The following TP63 variants were observed in gnomAD, a reference collection of about 807,000 sequenced individuals.
The protein encoded by TP63 is tumor protein p63.
A neutral mutation model predicts 82.8 loss-of-function variants in TP63; 17 were observed. The observed-to-expected ratio is 0.21, with a 90% CI of 0.14 to 0.31. The LOEUF (loss-of-function observed/expected upper bound fraction) is 0.31. TP63 is among the 10% of genes least tolerant of loss of function. The pLI is 1.00. For missense variants in TP63, 648 were observed against 895.3 expected (o/e 0.72, Z 3.52); for synonymous variants, 330 against 321.7 (o/e 1.03, Z -0.28).
chr3:189,752,390 A>G (rs1429411792), intron 3 of TP63, among the ~76,000 whole-genome samples: 1 of 152,080 alleles, frequency 6.6e-6, no homozygotes, highest in Non-Finnish European at 1.5e-5. Flanking sequence ...TTCACTGTTC[A>G]GACTGGTCTC....
At chr3:189,829,868 C>G (rs1285475666) in intron 4 of TP63, 1 of 376,190 alleles carries the variant, frequency 2.7e-6, no homozygotes, top group Non-Finnish European at 5.4e-6. Flanking sequence ...CCAATATAAC[C>G]TTAATTTTTT....
chr3:189,750,649 C>G (rs894513073), intron 3 of TP63, among the ~76,000 whole-genome samples: 1 of 151,884 alleles, frequency 6.6e-6, no homozygotes, highest in Non-Finnish European at 1.5e-5. Flanking sequence ...GGTAATAAAA[C>G]GTTGGACTCT....
At chr3:189,813,707 C>A (rs73197854) in intron 4 of TP63, among the ~76,000 whole-genome samples, 12,843 of 151,892 alleles carry the variant, frequency 0.085, 726 homozygotes, top group Non-Finnish European at 0.12. Flanking sequence ...CTGTCATTGA[C>A]CTCAAGGTCT....
intron 7 of TP63, among the ~76,000 whole-genome samples, chr3:189,868,227 A>G (rs910060056): frequency 2.0e-5 from 3 of 152,202 alleles, no homozygotes; most frequent in Non-Finnish European, 4.4e-5. Flanking sequence ...CATGGTCCTC[A>G]AGGCATTTCA....
intron 3 of TP63, among the ~76,000 whole-genome samples, chr3:189,783,539 T>C (rs1388417391): frequency 3.3e-5 from 5 of 151,606 alleles, no homozygotes; most frequent in African/African-American, 1.2e-4. Flanking sequence ...ATAATTAGAG[T>C]TTTTATTTTA....
At chr3:189,649,778 C>G (rs1192747459) in intron 1 of TP63, among the ~76,000 whole-genome samples, 1 of 146,742 alleles carries the variant, frequency 6.8e-6, no homozygotes, top group Non-Finnish European at 1.5e-5. Context: ...AGAGAAAGAG[C>G]ATTCCAGACA....
intron 1 of TP63, among the ~76,000 whole-genome samples, chr3:189,681,370 T>C (rs1212112384): frequency 6.6e-6 from 1 of 152,216 alleles, no homozygotes; most frequent in Non-Finnish European, 1.5e-5. Context: ...ATTTTAAAAT[T>C]TGTAATTAGG....
intron 3 of TP63, among the ~76,000 whole-genome samples, chr3:189,791,561 G>A (rs1446579531): frequency 6.6e-6 from 1 of 152,006 alleles, no homozygotes; most frequent in Non-Finnish European, 1.5e-5. Flanking sequence ...GCTACAAAAG[G>A]CATCCCTTGT....
intron 3 of TP63, among the ~76,000 whole-genome samples, chr3:189,801,932 A>C (rs1726352535): frequency 6.6e-6 from 1 of 152,230 alleles, no homozygotes; most frequent in Non-Finnish European, 1.5e-5. Context: ...ACCTAATAAA[A>C]TCTGGTTTTG....
chr3:189,626,428 A>G (rs1201711292), upstream of TP63, among the ~76,000 whole-genome samples: 1 of 152,178 alleles, frequency 6.6e-6, no homozygotes, highest in Non-Finnish European at 1.5e-5. Context: ...TGACCTGGAA[A>G]GGCTAGGACC....
At chr3:189,850,832 AAATG>A (rs1715536678) in intron 4 of TP63, among the ~76,000 whole-genome samples, 1 of 152,218 alleles carries the variant, frequency 6.6e-6, no homozygotes, top group Admixed American at 6.5e-5. Context: ...CTTTTTTTAT[AAATG>A]AATCTAGTAA....
chr3:189,610,861 T>C, the TP63 span, among the ~76,000 whole-genome samples: 1 of 152,182 alleles, frequency 6.6e-6, no homozygotes, highest in Admixed American at 6.5e-5. Flanking sequence ...CTCACCATCA[T>C]GGCAGAAGGC....
At chr3:189,804,403 T>C (rs761191798) in intron 3 of TP63, among the ~76,000 whole-genome samples, 8 of 152,226 alleles carry the variant, frequency 5.3e-5, no homozygotes, top group Non-Finnish European at 1.0e-4. Context: ...GCACCATTCT[T>C]TGTTTAATGC....
chr3:189,739,862 G>GT (rs1720856014), intron 3 of TP63, among the ~76,000 whole-genome samples: 1 of 150,954 alleles, frequency 6.6e-6, no homozygotes, highest in Non-Finnish European at 1.5e-5. Flanking sequence ...TAGAAAACTA[G>GT]TGGGGGGAAG....
At position 189,896,024 on chromosome 3, in the gene TP63, G is replaced by A. The variant is rs866178366; in HGVS notation, c.*1522G>A. 6.6e-5 allele frequency: 15 copies of A among 228,776 alleles called. No individual in the cohort carries two copies. Among genetic ancestry groups the A allele is most frequent in the South Asian group, 3.6e-4 (2 of 5,492 alleles). The allele number at this position is 228,776 out of a possible 1,614,324, so 14.2% of individuals were successfully genotyped here. A position where few individuals can be genotyped will look rare whatever the true frequency, so the allele number is the denominator to read the frequency against. ...CTGCTGTTGCTTAAACCACTTAAAC[G>A]AAGAGTTCCCTTGAAACTTTGGGAA... On this transcript the variant is annotated 3_prime_UTR_variant, in exon 14 of 14. Transcript: ENST00000264731.
chr3:189,668,738 C>T (rs578024417), intron 1 of TP63, among the ~76,000 whole-genome samples: 5 of 152,104 alleles, frequency 3.3e-5, no homozygotes, highest in East Asian at 1.9e-4. Context: ...GCTGGCTAGA[C>T]GTGGTGGCTC....
At chr3:189,684,582 T>C (rs1377453197) in intron 1 of TP63, among the ~76,000 whole-genome samples, 1 of 151,906 alleles carries the variant, frequency 6.6e-6, no homozygotes, top group Non-Finnish European at 1.5e-5. Flanking sequence ...CTATTAGTGA[T>C]GTCAAGGGAT....
intron 4 of TP63, among the ~76,000 whole-genome samples, chr3:189,833,849 A>G (rs1430599883): frequency 6.6e-6 from 1 of 152,180 alleles, no homozygotes; most frequent in African/African-American, 2.4e-5. Context: ...GCAGTTAAAA[A>G]CGATTATTAT....
At chr3:189,860,502 C>G (rs896173800) in intron 4 of TP63, among the ~76,000 whole-genome samples, 2 of 151,910 alleles carry the variant, frequency 1.3e-5, no homozygotes, top group African/African-American at 4.8e-5. Context: ...GATTTGCAAA[C>G]AATGAAGTAA....
Sources: gnomAD v4.1 joint callset for allele counts (sites outside exome capture counted in the v4.1 genomes callset) on GRCh38, gnomAD v4.1.1 for gene constraint, MANE v1.5 for transcripts, NCBI Gene and HGNC (gene_info 2026-07-23, HGNC 2026-07-21) for gene names.